The following TNFSF4 variants were observed in gnomAD, a reference collection of about 807,000 sequenced individuals.
The protein encoded by TNFSF4 is tumor necrosis factor ligand superfamily member 4.
A neutral mutation model predicts 7.3 loss-of-function variants in TNFSF4; 4 were observed. The observed-to-expected ratio is 0.55, with a 90% CI of 0.27 to 1.25. The LOEUF is 1.25. TNFSF4 is among the 50% of genes most tolerant of loss of function. TNFSF4 has a pLI of 0.12. For missense variants in TNFSF4, 181 were observed against 208.8 expected (o/e 0.87, Z 0.82); for synonymous variants, 76 against 83.7 (o/e 0.91, Z 0.50).
At chr1:173,215,552 C>G in the TNFSF4 span, among the ~76,000 whole-genome samples, 1 of 152,118 alleles carries the variant, frequency 6.6e-6, no homozygotes, top group African/African-American at 2.4e-5. Context: ...AAATAGTCTA[C>G]GTAATACACT....
At chr1:173,271,345 C>T in the TNFSF4 span, among the ~76,000 whole-genome samples, 1 of 151,994 alleles carries the variant, frequency 6.6e-6, no homozygotes, top group Non-Finnish European at 1.5e-5. Flanking sequence ...GAAGGGATCC[C>T]GTTTCAGCTT....
At chr1:173,439,857 G>T in the TNFSF4 span, among the ~76,000 whole-genome samples, 1 of 152,114 alleles carries the variant, frequency 6.6e-6, no homozygotes, top group Non-Finnish European at 1.5e-5. Context: ...GGGGAAGGTT[G>T]TTTGCTGCCA....
the TNFSF4 span, among the ~76,000 whole-genome samples, chr1:173,294,056 A>G: frequency 8.5e-5 from 13 of 152,144 alleles, no homozygotes; most frequent in African/African-American, 2.4e-5. Context: ...AGATTTCTCA[A>G]AGAACTGCAA....
At chr1:173,402,088 T>G in the TNFSF4 span, among the ~76,000 whole-genome samples, 41 of 152,328 alleles carry the variant, frequency 2.7e-4, no homozygotes, top group Non-Finnish European at 4.6e-4. Flanking sequence ...ATCCTAAGCT[T>G]CTTTTTTTAT....
At chr1:173,235,209 T>A in the TNFSF4 span, among the ~76,000 whole-genome samples, 1 of 152,194 alleles carries the variant, frequency 6.6e-6, no homozygotes, top group Non-Finnish European at 1.5e-5. Context: ...TTTTTGCTCT[T>A]TAGTTCAGCT....
chr1:173,224,490 C>G, the TNFSF4 span, among the ~76,000 whole-genome samples: 1 of 152,210 alleles, frequency 6.6e-6, no homozygotes, highest in Non-Finnish European at 1.5e-5. Flanking sequence ...TCCCAGCACT[C>G]AACCCCTCAT....
chr1:173,408,889 C>A, the TNFSF4 span, among the ~76,000 whole-genome samples: 14 of 152,164 alleles, frequency 9.2e-5, 1 homozygote, highest in South Asian at 2.7e-3. Context: ...TGCACCTGGC[C>A]AGAATGGGAT....
chr1:173,351,542 T>G, the TNFSF4 span: 1 of 148,696 alleles, frequency 6.7e-6, no homozygotes. Context: ...TGCTCCCACT[T>G]TGGTCTAGAT....
At chr1:173,301,040 T>A in the TNFSF4 span, among the ~76,000 whole-genome samples, 1 of 151,970 alleles carries the variant, frequency 6.6e-6, no homozygotes, top group Non-Finnish European at 1.5e-5. Flanking sequence ...CCAGTATTTT[T>A]AAAAAGATTC....
chr1:173,291,255 T>G, the TNFSF4 span, among the ~76,000 whole-genome samples: 11 of 152,134 alleles, frequency 7.2e-5, no homozygotes, highest in African/African-American at 2.6e-4. Context: ...CAACCAGATC[T>G]CATGAGCACT....
At chr1:173,398,627 G>A in the TNFSF4 span, among the ~76,000 whole-genome samples, 2 of 151,590 alleles carry the variant, frequency 1.3e-5, no homozygotes, top group East Asian at 1.9e-4. Context: ...GAGGTTTCAC[G>A]GTGTTAGCCA....
Position 173,188,551 on chromosome 1 carries a change from G to T in TNFSF4, c.172C>A (p.Arg58=). The T allele has an allele frequency of 6.2e-7, 1 of 1,612,270 alleles. No homozygotes were observed. Among genetic ancestry groups the T allele is most frequent in the Middle Eastern group, 1.7e-4 (1 of 6,054 alleles). Residue 58 remains arginine, a synonymous_variant, in exon 2 of 3, where the codon CGA becomes AGA. Transcript: ENST00000281834. ...SALQVSHRYP[R]IQSIKVQFTE... ...AATTGTACTTTGATACTTTGAATTCGAGGATACCGATGTGATACCTGAGGG... is the reference window on the plus strand; with the variant it reads ...AATTGTACTTTGATACTTTGAATTCTAGGATACCGATGTGATACCTGAGGG...
At chr1:173,269,499 T>A in the TNFSF4 span, among the ~76,000 whole-genome samples, 3 of 152,146 alleles carry the variant, frequency 2.0e-5, no homozygotes, top group Non-Finnish European at 2.9e-5. Context: ...GCATCACTAT[T>A]TTTGCATGCT....
the TNFSF4 span, among the ~76,000 whole-genome samples, chr1:173,425,295 C>T: frequency 1.3e-5 from 2 of 152,148 alleles, no homozygotes; most frequent in Non-Finnish European, 2.9e-5. Flanking sequence ...ATAGCTGTTT[C>T]TGTGTGACCA....
chr1:173,197,498 T>C (rs1649754992), intron 1 of TNFSF4, among the ~76,000 whole-genome samples: 1 of 152,200 alleles, frequency 6.6e-6, no homozygotes, highest in South Asian at 2.1e-4. Flanking sequence ...TGGAATGGAA[T>C]ACTGTGCAGC....
At chr1:173,407,316 A>G in the TNFSF4 span, among the ~76,000 whole-genome samples, 1 of 151,976 alleles carries the variant, frequency 6.6e-6, no homozygotes, top group Non-Finnish European at 1.5e-5. Flanking sequence ...GCTCACACCT[A>G]TAATCCCAGC....
the TNFSF4 span, among the ~76,000 whole-genome samples, chr1:173,380,304 A>C: frequency 6.6e-6 from 1 of 152,058 alleles, no homozygotes; most frequent in Non-Finnish European, 1.5e-5. Flanking sequence ...GGAACAAGTT[A>C]CCCATTTGTA....
chr1:173,382,750 A>C, the TNFSF4 span, among the ~76,000 whole-genome samples: 1 of 152,002 alleles, frequency 6.6e-6, no homozygotes, highest in Non-Finnish European at 1.5e-5. Flanking sequence ...TGCCTGGACT[A>C]TGTCATATCT....
the TNFSF4 span, among the ~76,000 whole-genome samples, chr1:173,423,801 C>A: frequency 6.6e-6 from 1 of 152,192 alleles, no homozygotes; most frequent in Non-Finnish European, 1.5e-5. Context: ...AGAGTGTCTT[C>A]ATCTGTTTAT....
Sources: gnomAD v4.1 joint callset for allele counts (sites outside exome capture counted in the v4.1 genomes callset) on GRCh38, gnomAD v4.1.1 for gene constraint, MANE v1.5 for transcripts, NCBI Gene and HGNC (gene_info 2026-07-23, HGNC 2026-07-21) for gene names.